The following MTRR variants were observed in gnomAD, a reference collection of about 807,000 sequenced individuals.
MTRR encodes the protein 5-methyltetrahydrofolate-homocysteine methyltransferase reductase.
Under a neutral mutation model 79.2 loss-of-function variants are expected in MTRR, and 63 were observed. That is an observed-to-expected ratio of 0.80 (90% CI 0.65 to 0.98). The LOEUF (loss-of-function observed/expected upper bound fraction) is 0.98, where lower values mean the gene tolerates loss of function less well. MTRR is among the 50% of genes least tolerant of loss of function. MTRR has a pLI of 0.00. For synonymous variants in MTRR, 355 were observed against 313.3 expected (o/e 1.13, Z -1.41); for missense variants, 895 against 839.6 (o/e 1.07, Z -0.82).
chr5:7,890,589 C>T (rs1346215195), intron 9 of MTRR, among the ~76,000 whole-genome samples: 1 of 152,022 alleles, frequency 6.6e-6, no homozygotes, highest in Non-Finnish European at 1.5e-5. Flanking sequence ...ATATTATTTT[C>T]TAATTAAGAA....
chr5:7,892,125 G>A (rs906732177), intron 10 of MTRR, among the ~76,000 whole-genome samples: 6 of 152,132 alleles, frequency 3.9e-5, no homozygotes, highest in Non-Finnish European at 5.9e-5. Flanking sequence ...AGCCTCTACC[G>A]TTTTCCCGTC....
chr5:7,900,130 A>G lies in MTRR; in HGVS notation c.*72A>G, dbSNP rs1739249102. The G allele has an allele frequency of 4.5e-6, 7 of 1,555,600 alleles. No homozygotes were observed. Among genetic ancestry groups the G allele is most frequent in the South Asian group, 1.2e-5 (1 of 83,912 alleles). ...CTAAAAGTCAGCTTTACTAGTGCCA[A>G]ACCTTTAAATTTTCAAAAGAAAATT... On this transcript the variant is annotated 3_prime_UTR_variant, in exon 15 of 15. Coordinates refer to ENST00000440940, the MANE Select transcript of MTRR (RefSeq NM_002454.3).
In MTRR at chr5:7,873,621, G is replaced by T. The variant is rs1748385023; in HGVS notation, c.283+95G>T. 33 of 1,431,578 alleles carry T rather than the reference G, an allele frequency of 2.3e-5. No homozygotes were observed. The South Asian group carries it at 3.6e-4, about 16-fold the overall frequency. The allele number at this position is 1,431,578 out of a possible 1,614,324, so 88.7% of individuals were successfully genotyped here. A position where few individuals can be genotyped will look rare whatever the true frequency, so the allele number is the denominator to read the frequency against. ...AGAACTATGAAGTGTGATCATATAGGTTTTGTCTTTCTTATGTAAATATTA... is the reference window on the plus strand; with the variant it reads ...AGAACTATGAAGTGTGATCATATAGTTTTTGTCTTTCTTATGTAAATATTA... On this transcript the variant is annotated intron_variant, in intron 3 of 14. Transcript: ENST00000440940.
intron 7 of MTRR, 63 bp downstream of exon 7, chr5:7,885,917 G>C (rs1203750077): frequency 7.5e-6 from 12 of 1,606,808 alleles, no homozygotes; most frequent in Non-Finnish European, 1.0e-5. Flanking sequence ...CTGATGGTGA[G>C]AGTGTGGCTC....
chr5:7,880,208 T>C (rs1735354122), intron 5 of MTRR, among the ~76,000 whole-genome samples: 1 of 152,260 alleles, frequency 6.6e-6, no homozygotes, highest in South Asian at 2.1e-4. Flanking sequence ...GATAGCACGA[T>C]GCCCCTGATA....
chr5:7,866,026 GGTAT>G, upstream of MTRR: 1 of 694,754 alleles, frequency 1.4e-6, no homozygotes, highest in Non-Finnish European at 2.1e-6. Flanking sequence ...TCTGAATTGA[GGTAT>G]GTATGAGAGA....
At chr5:7,867,935 G>C (rs1189996312), upstream of MTRR, 1 of 1,614,082 alleles carries the variant, frequency 6.2e-7, no homozygotes. Flanking sequence ...GAAAGGCTCA[G>C]GTTGTCGTGA....
At chr5:7,875,827 G>A (rs1190085792) in intron 4 of MTRR, among the ~76,000 whole-genome samples, 4 of 152,250 alleles carry the variant, frequency 2.6e-5, no homozygotes, top group South Asian at 4.1e-4. Flanking sequence ...ATTGCTTGGC[G>A]TGCTCTTACC....
At chr5:7,867,405 T>C, upstream of MTRR, 1 of 1,614,214 alleles carries the variant, frequency 6.2e-7, no homozygotes, top group South Asian at 1.1e-5. Context: ...CTGTGCAGTG[T>C]AATCAGACTT....
intron 6 of MTRR, among the ~76,000 whole-genome samples, 163 bp from the exon 7 acceptor site, chr5:7,885,538 G>A (rs1416577369): frequency 6.6e-6 from 1 of 151,068 alleles, no homozygotes; most frequent in Admixed American, 6.6e-5. Flanking sequence ...GGTTAGTTGG[G>A]CTTATTTTTT....
intron 1 of MTRR, chr5:7,861,643 A>G (rs760255829): frequency 6.2e-7 from 1 of 1,608,762 alleles, no homozygotes; most frequent in African/African-American, 1.3e-5. Flanking sequence ...ATCTAATTTA[A>G]TTTCAACATC....
chr5:7,886,646 A>T lies in MTRR; in HGVS notation c.1089A>T (p.Gly363=), dbSNP rs1561230017. The T allele has an allele frequency of 6.2e-7, 1 of 1,613,926 alleles. No homozygotes were observed. Among genetic ancestry groups the T allele is most frequent in the Non-Finnish European group, 8.5e-7 (1 of 1,179,898 alleles). Residue 363 remains glycine, a synonymous_variant, in exon 8 of 15, where the codon GGA becomes GGT. Coordinates refer to ENST00000440940, the MANE Select transcript of MTRR (RefSeq NM_002454.3). ...CCTTACCCCAGCATATACCTGCGGG[A>T]TGTTCTCTCCAGTTCATTTTTACCT... is the stretch of plus-strand genomic sequence containing the variant. ...GATLPQHIPA[G]CSLQFIFTWC...
intron 11 of MTRR, 40 bp from the exon 12 acceptor site, chr5:7,895,694 G>A (rs1738382192): frequency 6.2e-7 from 1 of 1,612,040 alleles, no homozygotes; most frequent in Non-Finnish European, 8.5e-7. Flanking sequence ...TCTTGCCTAG[G>A]TTTTCTTTCA....
upstream of MTRR, among the ~76,000 whole-genome samples, chr5:7,864,962 C>G (rs1230201908): frequency 1.3e-5 from 2 of 152,032 alleles, no homozygotes; most frequent in Non-Finnish European, 2.9e-5. Flanking sequence ...ACAAAAGTTG[C>G]AAAAACCTCC....
intron 4 of MTRR, 30 bp from the exon 5 acceptor site, chr5:7,877,914 T>C (rs1057076171): frequency 2.0e-5 from 32 of 1,608,592 alleles, no homozygotes; most frequent in Non-Finnish European, 2.7e-5. Flanking sequence ...TAGGCATTTG[T>C]TTTGTTTTTC....
At chr5:7,897,271 C>A in intron 14 of MTRR, 24 bp downstream of exon 14, 1 of 1,610,212 alleles carries the variant, frequency 6.2e-7, no homozygotes, top group Non-Finnish European at 8.5e-7. Flanking sequence ...GTGCCTAAGT[C>A]GGGTAGGAGA....
intron 4 of MTRR, among the ~76,000 whole-genome samples, chr5:7,877,677 A>G (rs957452241): frequency 1.3e-5 from 2 of 152,302 alleles, no homozygotes; most frequent in Admixed American, 6.5e-5. Context: ...TATTCCTGTC[A>G]TCCTATTACT....
Position 7,875,182 on chromosome 5 carries a change from A to G in MTRR, c.284-76A>G, listed in dbSNP as rs1017675849. ...AGAGCATGAAATAGTATTATTTTAG[A>G]TATTTTATTTACCTAGTCTTTGTGT... On this transcript the variant is annotated intron_variant, in intron 3 of 14. Coordinates refer to ENST00000440940, the MANE Select transcript of MTRR (RefSeq NM_002454.3). 5.3e-6 allele frequency: 5 copies of G among 946,314 alleles called. No individual in the cohort carries two copies. The East Asian group carries it at 1.2e-4, about 23-fold the overall frequency. 58.6% of individuals were successfully genotyped at this position (946,314 alleles called of 1,614,324 possible). A position where few individuals can be genotyped will look rare whatever the true frequency, so the allele number is the denominator to read the frequency against.
rs775343389 is a variant in MTRR at position 7,870,919 on chromosome 5, A to G, written c.125A>G (p.Asp42Gly). The G allele has an allele frequency of 1.2e-6, 2 of 1,614,198 alleles. No homozygotes were observed. Among genetic ancestry groups the G allele is most frequent in the Non-Finnish European group, 1.7e-6 (2 of 1,180,012 alleles). The stretch of plus-strand genomic sequence containing the variant: ...GATCTTCACTGTATTAGTGAATCCG[A>G]TAAGGTTAGAGCCGTTACAGTGGAT... ...SADLHCISES[D>G]KYDLKTETAP... The change falls in exon 2 of 15, where the codon GAT (aspartate) becomes GGT (glycine). Residue 42 changes from aspartate to glycine, a missense_variant. Coordinates refer to ENST00000440940, the MANE Select transcript of MTRR (RefSeq NM_002454.3).
Sources: allele counts gnomAD v4.1 joint callset (sites outside exome capture counted in the v4.1 genomes callset), GRCh38; gene constraint gnomAD v4.1.1; transcripts MANE v1.5; gene names NCBI Gene and HGNC (gene_info 2026-07-23, HGNC 2026-07-21).